IMMP2L: variants seen among roughly 807,000 people sequenced by gnomAD.
IMMP2L encodes the protein mitochondrial inner membrane protease subunit 2.
In IMMP2L, 18 loss-of-function variants were observed where a neutral mutation model predicts 19.3. The observed-to-expected ratio is 0.93, with a 90% CI of 0.64 to 1.38. The LOEUF is 1.38. IMMP2L is among the 40% of genes most tolerant of loss of function. IMMP2L has a pLI of 0.00. For missense variants in IMMP2L, 233 were observed against 218.2 expected, an observed-to-expected ratio of 1.07 and a Z score of -0.43; for synonymous variants, 76 against 73.0, an observed-to-expected ratio of 1.04 and a Z score of -0.21.
At chr7:110,810,467 A>G (rs1801961551) in intron 5 of IMMP2L, among the ~76,000 whole-genome samples, 1 of 152,074 alleles carries the variant, frequency 6.6e-6, no homozygotes, top group Non-Finnish European at 1.5e-5. Context: ...GTCAGTTATT[A>G]AACAGCCTAA....
At chr7:111,090,423 A>G (rs1320284672) in intron 3 of IMMP2L, among the ~76,000 whole-genome samples, 1 of 152,064 alleles carries the variant, frequency 6.6e-6, no homozygotes, top group Non-Finnish European at 1.5e-5. Context: ...AAACACACCT[A>G]CACATGTACC....
At chr7:111,181,115 G>A (rs574444569) in intron 3 of IMMP2L, among the ~76,000 whole-genome samples, 2 of 151,998 alleles carry the variant, frequency 1.3e-5, no homozygotes, top group South Asian at 4.2e-4. Flanking sequence ...ATTACCTGAT[G>A]TTCTTATTAC....
At chr7:111,070,413 A>C (rs74439533) in intron 3 of IMMP2L, among the ~76,000 whole-genome samples, 1 of 152,186 alleles carries the variant, frequency 6.6e-6, no homozygotes, top group Non-Finnish European at 1.5e-5. Flanking sequence ...AATGGTATAC[A>C]GAGAAAAAAT....
rs761798162 is a variant in IMMP2L, at chr7:111,123,463, G to A, written c.240-159898C>T. Reference sequence around the variant, plus strand: ...AAACCTCACAGAAATACCAGATAACGCCTTGGTTGGACTGGAAAACTTAGA... The same window carrying A: ...AAACCTCACAGAAATACCAGATAACACCTTGGTTGGACTGGAAAACTTAGA... On this transcript the variant is annotated intron_variant, in intron 3 of 5. Transcript: ENST00000405709. The surrounding 1 kb of genome is among the most constrained non-coding windows in gnomAD (Gnocchi z 6.4). 49 of 1,613,582 alleles carry A rather than the reference G, an allele frequency of 3.0e-5. No individual in the cohort carries two copies. Among genetic ancestry groups the A allele is most frequent in the Middle Eastern group, 1.6e-4 (1 of 6,078 alleles).
intron 3 of IMMP2L, among the ~76,000 whole-genome samples, chr7:111,227,170 T>C (rs191679953): frequency 9.9e-5 from 15 of 152,202 alleles, no homozygotes; most frequent in Non-Finnish European, 2.1e-4. Flanking sequence ...AATGCTGCAC[T>C]TGCCACACAC....
At chr7:111,301,776 C>T (rs931467460) in intron 3 of IMMP2L, among the ~76,000 whole-genome samples, 2 of 151,992 alleles carry the variant, frequency 1.3e-5, no homozygotes, top group East Asian at 1.9e-4. Flanking sequence ...TCTGTGTAGG[C>T]TATTTCTGTG....
At chr7:111,328,475 C>T (rs185452950) in intron 3 of IMMP2L, among the ~76,000 whole-genome samples, 177 of 151,686 alleles carry the variant, frequency 1.2e-3, no homozygotes, top group Non-Finnish European at 4.1e-4. Flanking sequence ...TATTTCAGGG[C>T]CCACAAATTC....
intron 2 of IMMP2L, among the ~76,000 whole-genome samples, chr7:111,518,223 T>G (rs1846034332): frequency 6.6e-6 from 1 of 152,112 alleles, no homozygotes; most frequent in African/African-American, 2.4e-5. Flanking sequence ...CTTAAAAACA[T>G]GCTTCCCCTA....
At chr7:110,969,813 A>G (rs1819950561) in intron 3 of IMMP2L, among the ~76,000 whole-genome samples, 1 of 152,124 alleles carries the variant, frequency 6.6e-6, no homozygotes, top group African/African-American at 2.4e-5. Context: ...TACTAAGCAG[A>G]AATAGAATCT....
intron 5 of IMMP2L, among the ~76,000 whole-genome samples, chr7:110,795,941 G>A (rs2131179368): frequency 6.6e-6 from 1 of 152,176 alleles, no homozygotes; most frequent in Admixed American, 6.6e-5. Context: ...ATCTTGAATT[G>A]TAGTTCCCAT....
intron 5 of IMMP2L, among the ~76,000 whole-genome samples, chr7:110,852,199 AGGATGGATGGAT>A (rs35319498): frequency 2.8e-4 from 41 of 148,852 alleles, no homozygotes; most frequent in South Asian, 2.0e-3. Flanking sequence ...GGTGGATGGA[AGGATGGATGGAT>A]GGATGGATGG....
intron 3 of IMMP2L, among the ~76,000 whole-genome samples, chr7:111,294,486 C>G (rs914662201): frequency 6.6e-6 from 1 of 151,800 alleles, no homozygotes; most frequent in Admixed American, 6.6e-5. Flanking sequence ...GTAAAAATAA[C>G]CCTTATATCT....
At chr7:110,976,339 T>C (rs1435855759) in intron 3 of IMMP2L, among the ~76,000 whole-genome samples, 1 of 152,048 alleles carries the variant, frequency 6.6e-6, no homozygotes, top group African/African-American at 2.4e-5. Context: ...AGTGAAATAA[T>C]ACAATATTTG....
At chr7:111,536,097 TTAAA>T (rs1366035132) in intron 1 of IMMP2L, among the ~76,000 whole-genome samples, 1 of 152,162 alleles carries the variant, frequency 6.6e-6, no homozygotes, top group African/African-American at 2.4e-5. Flanking sequence ...TGATTACTTA[TTAAA>T]TAAAGTCAGT....
chr7:111,202,183 TTC>T (rs1469300907), intron 3 of IMMP2L, among the ~76,000 whole-genome samples: 2 of 152,134 alleles, frequency 1.3e-5, no homozygotes, highest in African/African-American at 4.8e-5. Context: ...AATGAAGAAT[TTC>T]TGTTTCCTTT....
chr7:111,472,545 T>C (rs889096854), intron 3 of IMMP2L, among the ~76,000 whole-genome samples: 6 of 152,184 alleles, frequency 3.9e-5, no homozygotes, highest in African/African-American at 1.4e-4. Flanking sequence ...AGTTCCAGAA[T>C]CACCAATAAT....
Position 110,866,395 on chromosome 7 carries a change from C to T in IMMP2L, c.408+20198G>A, listed in dbSNP as rs191848549. ...ATTCAGATAAGAGGGAAGAGGCAAG[C>T]AGAAGGAAGATTTTTAAGCCACAGA... is the stretch of plus-strand genomic sequence containing the variant. On this transcript the variant is annotated intron_variant, in intron 5 of 5. Coordinates refer to ENST00000405709, the MANE Select transcript of IMMP2L (RefSeq NM_032549.4). Among the ~76,000 whole-genome samples the T allele has an allele frequency of 2.3e-3, 343 of 151,690 alleles. 2 individuals carry two copies. The highest frequency in any genetic ancestry group is 7.4e-3 in the African/African-American group (308 of 41,384).
chr7:111,532,998 T>C (rs561015643), intron 1 of IMMP2L, among the ~76,000 whole-genome samples: 3 of 152,140 alleles, frequency 2.0e-5, no homozygotes, highest in Non-Finnish European at 4.4e-5. Context: ...AGTGCAAGTG[T>C]ACCCACAAAC....
intron 3 of IMMP2L, among the ~76,000 whole-genome samples, chr7:111,434,182 C>T (rs1424729238): frequency 6.6e-6 from 1 of 151,684 alleles, no homozygotes; most frequent in African/African-American, 2.4e-5. Flanking sequence ...CAAAAATATA[C>T]ACTGAAAAAG....
Sources: gnomAD v4.1 joint callset for allele counts (sites outside exome capture counted in the v4.1 genomes callset) on GRCh38, gnomAD v4.1.1 for gene constraint, Gnocchi (gnomAD v3.1) non-coding constraint, MANE v1.5 for transcripts, NCBI Gene and HGNC (gene_info 2026-07-23, HGNC 2026-07-21) for gene names.